The following YLPM1 variants were observed in gnomAD, a reference collection of about 807,000 sequenced individuals.
YLPM1 encodes the protein YLP motif containing 1.
Under a neutral mutation model 230.0 loss-of-function variants are expected in YLPM1, and 99 were observed. That is an observed-to-expected ratio of 0.43 (90% CI 0.37 to 0.51). YLPM1 has a LOEUF of 0.51. Among genes scored for constraint, YLPM1 ranks in the 20% least tolerant of loss-of-function variants. The probability of loss-of-function intolerance (pLI) is 0.00; values close to 1 mark genes in which losing one functional copy is unlikely to be tolerated. For synonymous variants in YLPM1, 984 were observed against 942.5 expected (o/e 1.04, Z -0.81); for missense variants, 2,592 against 2,707.7 (o/e 0.96, Z 0.95).
chr14:74,817,373 A>T, intron 15 of YLPM1, 96 bp downstream of exon 15: 1 of 1,089,764 alleles, frequency 9.2e-7, no homozygotes, highest in Non-Finnish European at 1.3e-6. Context: ...GTCCCATAAG[A>T]TTATAATGTA....
rs1166215706 is a variant in YLPM1 at position 74,763,971 on chromosome 14, C to G, written c.482C>G (p.Ser161Cys). Reference protein sequence around the residue: ...PVPPGSYMPPSQSYMPPPQPP... With the variant: ...PVPPGSYMPPCQSYMPPPQPP... ...CCGCCTGGGTCCTATATGCCCCCATCTCAGTCTTACATGCCCCCACCTCAG... is the reference window on the plus strand; with the variant it reads ...CCGCCTGGGTCCTATATGCCCCCATGTCAGTCTTACATGCCCCCACCTCAG... The change falls in exon 1 of 21, where the codon TCT becomes TGT. Residue 161 changes from serine (S) to cysteine (C), a missense_variant. Ser to Cys is a moderately radical substitution (Grantham distance 112, BLOSUM62 -1). Coordinates refer to ENST00000325680, the MANE Select transcript of YLPM1 (RefSeq NM_019589.3). 11 of 1,429,394 alleles carry G rather than the reference C, an allele frequency of 7.7e-6. No homozygotes were observed. The highest frequency in any genetic ancestry group is 1.0e-5 in the Non-Finnish European group (11 of 1,069,542). 88.5% of individuals were successfully genotyped at this position (1,429,394 alleles called of 1,614,324 possible). A position where few individuals can be genotyped will look rare whatever the true frequency, so the allele number is the denominator to read the frequency against.
chr14:74,814,224 G>A (rs1426393458), intron 11 of YLPM1, among the ~76,000 whole-genome samples: 1 of 152,180 alleles, frequency 6.6e-6, no homozygotes, highest in Non-Finnish European at 1.5e-5. Flanking sequence ...AGCTGGGCGT[G>A]GTGGCAGGCA....
rs527514989 is a variant in YLPM1 at position 74,809,240 on chromosome 14, A to G, written c.4522-140A>G. ...GCTTGTCCTCATTTTTTTTGATGGT[A>G]TGTTTTGAAGCACGAAATTTTGAAT... On this transcript the variant is annotated intron_variant, in intron 6 of 20. Coordinates refer to ENST00000325680, the MANE Select transcript of YLPM1 (RefSeq NM_019589.3). 86 of 1,118,330 alleles carry G rather than the reference A, an allele frequency of 7.7e-5. No homozygotes were observed. In the African/African-American group the frequency reaches 1.2e-3, roughly 16 times the overall value. 69.3% of individuals were successfully genotyped at this position (1,118,330 alleles called of 1,614,324 possible).
chr14:74,813,590 T>C (rs1273882382), intron 11 of YLPM1, among the ~76,000 whole-genome samples: 3 of 152,158 alleles, frequency 2.0e-5, no homozygotes, highest in Non-Finnish European at 4.4e-5. Context: ...GATTGGATTG[T>C]TTAATACATT....
At position 74,763,734 on chromosome 14, in the gene YLPM1, C is replaced by T. The variant is rs764865724; in HGVS notation, c.245C>T (p.Pro82Leu). Residue 82 changes from proline to leucine, a missense_variant, in exon 1 of 21, where the codon CCT (proline) becomes CTT (leucine). Physicochemically the swap from Pro to Leu is moderately conservative, Grantham distance 98. Transcript: ENST00000325680. The stretch of plus-strand genomic sequence containing the variant: ...TGCGTGCTTCAGCCCCACCACCTTC[C>T]TCCGCCCCCTCTGCCGCCCCCGCCA... ...MQCVLQPHHL[P>L]PPPLPPPPVM... is the part of the protein sequence containing the mutation. 2.4e-5 allele frequency: 36 copies of T among 1,513,860 alleles called. No individual in the cohort carries two copies. The highest frequency in any genetic ancestry group is 3.0e-5 in the Non-Finnish European group (34 of 1,130,952). The allele number at this position is 1,513,860 out of a possible 1,614,324, so 93.8% of individuals were successfully genotyped here. A position where few individuals can be genotyped will look rare whatever the true frequency, so the allele number is the denominator to read the frequency against.
intron 1 of YLPM1, among the ~76,000 whole-genome samples, chr14:74,771,210 G>A (rs2090973221): frequency 6.6e-6 from 1 of 152,166 alleles, no homozygotes; most frequent in African/African-American, 2.4e-5. Context: ...GATTCCAAAT[G>A]GAGATGTCCA....
chr14:74,821,325 G>C, intron 17 of YLPM1, 188 bp downstream of exon 17: 1 of 803,592 alleles, frequency 1.2e-6, no homozygotes, highest in Non-Finnish European at 1.8e-6. Context: ...ACCCTCTAAT[G>C]TGGTGTTAAG....
In YLPM1 at chr14:74,781,711, A is replaced by G. The variant is rs1218547187; in HGVS notation, c.1668A>G (p.Pro556=). The stretch of plus-strand genomic sequence containing the variant: ...CCCCTGCCCTCCCTGCTACAGTGCC[A>G]CCACCTGGCATGCCCCCACCTGTTA... The part of the protein sequence containing the change: ...VMPPALPATV[P]PPGMPPPVMP... Residue 556 remains proline (P), a synonymous_variant, in exon 4 of 21, where the codon CCA becomes CCG. Coordinates refer to ENST00000325680, the MANE Select transcript of YLPM1 (RefSeq NM_019589.3). 5 of 1,589,014 alleles carry G rather than the reference A, an allele frequency of 3.1e-6. No homozygotes were observed. The highest frequency in any genetic ancestry group is 4.3e-6 in the Non-Finnish European group (5 of 1,172,320).
intron 17 of YLPM1, chr14:74,822,240 T>A (rs1231966636): frequency 2.0e-5 from 3 of 152,186 alleles, no homozygotes; most frequent in African/African-American, 4.8e-5. Flanking sequence ...GGAATATGGC[T>A]AATGACTTCT....
intron 19 of YLPM1, among the ~76,000 whole-genome samples, chr14:74,830,128 A>T (rs10148293): frequency 6.6e-6 from 1 of 152,006 alleles, no homozygotes; most frequent in Non-Finnish European, 1.5e-5. Flanking sequence ...TTTGGAACAG[A>T]TAAATGGCTG....
At chr14:74,767,807 A>G (rs1448430350) in intron 1 of YLPM1, among the ~76,000 whole-genome samples, 2 of 149,994 alleles carry the variant, frequency 1.3e-5, no homozygotes, top group Non-Finnish European at 3.0e-5. Flanking sequence ...ACTTGTTCCT[A>G]TGTCTTCCAC....
intron 19 of YLPM1, among the ~76,000 whole-genome samples, chr14:74,831,246 G>A (rs2091606795): frequency 6.6e-6 from 1 of 151,990 alleles, no homozygotes; most frequent in Admixed American, 6.6e-5. Context: ...CTTAGTAATG[G>A]GCACCATTAC....
At chr14:74,777,800 C>T (rs1326941914) in intron 1 of YLPM1, among the ~76,000 whole-genome samples, 1 of 151,888 alleles carries the variant, frequency 6.6e-6, no homozygotes, top group Non-Finnish European at 1.5e-5. Flanking sequence ...CACAGTAAGA[C>T]CTTGTGTCTA....
intron 4 of YLPM1, among the ~76,000 whole-genome samples, chr14:74,786,404 A>G (rs2091150769): frequency 6.6e-6 from 1 of 150,596 alleles, no homozygotes; most frequent in African/African-American, 2.4e-5. Context: ...TATCACTACT[A>G]GATCAAGAAA....
intron 4 of YLPM1, among the ~76,000 whole-genome samples, chr14:74,787,988 C>T (rs951192400): frequency 2.6e-5 from 4 of 151,704 alleles, no homozygotes; most frequent in African/African-American, 7.3e-5. Flanking sequence ...GCCTGGGTGA[C>T]GGAGTGAGAG....
chr14:74,799,048 C>T lies in YLPM1; in HGVS notation c.3751C>T (p.Pro1251Ser). 6.2e-7 allele frequency: 1 copy of T among 1,613,922 alleles called. No individual in the cohort carries two copies. ...LYNREDRFSA[P>S]PSRSHDGDRR... is the part of the protein sequence containing the mutation. ...TAACAGAGAGGACAGGTTCTCAGCA[C>T]CACCATCTCGGTCTCATGATGGAGA... Residue 1251 changes from proline to serine, a missense_variant, in exon 5 of 21, where the codon CCA (proline) becomes TCA (serine). By Grantham distance (74) the Pro-to-Ser change is moderately conservative. This residue lies in a region of YLPM1 where 1,862 missense variants were observed against 1,819.8 expected (regional missense o/e 1.02). Coordinates refer to ENST00000325680, the MANE Select transcript of YLPM1 (RefSeq NM_019589.3).
intron 1 of YLPM1, among the ~76,000 whole-genome samples, chr14:74,769,950 AGG>A (rs1391625582): frequency 6.8e-6 from 1 of 147,416 alleles, no homozygotes; most frequent in African/African-American, 2.5e-5. Flanking sequence ...TGGGAGGCCT[AGG>A]CGGGCAGATC....
At position 74,799,094 on chromosome 14, in the gene YLPM1, A is replaced by C; in HGVS notation, c.3797A>C (p.Asp1266Ala). 6.2e-7 allele frequency: 1 copy of C among 1,613,900 alleles called. No individual in the cohort carries two copies. Among genetic ancestry groups the C allele is most frequent in the Middle Eastern group, 1.6e-4 (1 of 6,062 alleles). ...GGAGATAGGCGAGGCCCTTGGTGGG[A>C]TGATTGGGAGAGAGACCAGGATATG... ...HDGDRRGPWWDDWERDQDMDE... is the reference protein window; with the variant it reads ...HDGDRRGPWWADWERDQDMDE... Residue 1266 changes from aspartate (D) to alanine (A), a missense_variant, in exon 5 of 21, where the codon GAT becomes GCT. Physicochemically the swap from Asp to Ala is moderately radical, Grantham distance 126. Around this residue, in one of 4 missense-constraint regions of YLPM1, gnomAD observed 1,862 missense variants for 1,819.8 expected, o/e 1.02. Coordinates refer to ENST00000325680, the MANE Select transcript of YLPM1 (RefSeq NM_019589.3).
rs1475961927 is a variant in YLPM1, at chr14:74,809,735, G to A, written c.4877G>A (p.Gly1626Asp). 3.1e-6 allele frequency: 5 copies of A among 1,613,860 alleles called. No homozygotes were observed. The Admixed American group carries it at 6.7e-5, about 22-fold the overall frequency. Residue 1626 changes from glycine (G) to aspartate (D), a missense_variant, in exon 7 of 21, where the codon GGT becomes GAT. By Grantham distance (94) the Gly-to-Asp change is moderately conservative. Around this residue, in one of 4 missense-constraint regions of YLPM1, gnomAD observed 403 missense variants for 426.7 expected, o/e 0.94. Transcript: ENST00000325680. Reference protein sequence around the residue: ...SIPPPGPVPMGMPPMSKPPPV... With the variant: ...SIPPPGPVPMDMPPMSKPPPV... The stretch of plus-strand genomic sequence containing the variant: ...CCCCCTCCTGGCCCAGTGCCTATGG[G>A]TATGCCACCAATGTCCAAGCCACCA...
Sources: allele counts gnomAD v4.1 joint callset (sites outside exome capture counted in the v4.1 genomes callset), GRCh38; gene constraint gnomAD v4.1.1; regional missense constraint gnomAD v4.1.1; transcripts MANE v1.5; gene names NCBI Gene and HGNC (gene_info 2026-07-23, HGNC 2026-07-21).